The following BTAF1 variants were observed in gnomAD, a reference collection of about 807,000 sequenced individuals.
The protein encoded by BTAF1 is TATA-binding protein-associated factor 172.
A neutral mutation model predicts 227.1 loss-of-function variants in BTAF1; 38 were observed. The ratio of observed to expected loss-of-function variants is 0.17; its 90% CI spans 0.13 to 0.22. The LOEUF (loss-of-function observed/expected upper bound fraction) is 0.22. Among genes scored for constraint, BTAF1 ranks in the 10% least tolerant of loss-of-function variants. The pLI is 1.00. For missense variants in BTAF1, 1,598 were observed against 2,204.0 expected (o/e 0.73, Z 5.51); for synonymous variants, 742 against 751.9 (o/e 0.99, Z 0.21).
intron 32 of BTAF1, among the ~76,000 whole-genome samples, chr10:92,014,873 C>A (rs1850604171): frequency 6.6e-6 from 1 of 152,174 alleles, no homozygotes; most frequent in Non-Finnish European, 1.5e-5. Context: ...AGGCTACAAA[C>A]CTGTACAGCA....
chr10:92,026,045 GCATA>G (rs892623144), intron 35 of BTAF1, among the ~76,000 whole-genome samples: 1 of 152,144 alleles, frequency 6.6e-6, no homozygotes, highest in African/African-American at 2.4e-5. Context: ...ATAAAATAAT[GCATA>G]TAAAGTACAA....
intron 4 of BTAF1, among the ~76,000 whole-genome samples, chr10:91,944,851 A>G (rs1845251630): frequency 6.6e-6 from 1 of 152,250 alleles, no homozygotes; most frequent in South Asian, 2.1e-4. Flanking sequence ...CTAGGACTGC[A>G]TATACAGTTG....
Position 92,016,377 on chromosome 10 carries a change from A to G in BTAF1, c.4622A>G (p.Lys1541Arg), listed in dbSNP as rs1460759150. The change falls in exon 33 of 38, where the codon AAG becomes AGG. Residue 1541 changes from lysine to arginine, a missense_variant. Physicochemically the swap from Lys to Arg is conservative, Grantham distance 26. Transcript: ENST00000265990. Reference sequence around the variant, plus strand: ...GAAGATTTTGCTAAGTCTCGTGCCAAGTGTGATGTTGATGAAACAGTTTCT... The same window carrying G: ...GAAGATTTTGCTAAGTCTCGTGCCAGGTGTGATGTTGATGAAACAGTTTCT... ...LYEDFAKSRAKCDVDETVSSA... is the reference protein window; with the variant it reads ...LYEDFAKSRARCDVDETVSSA... 3 of 1,599,810 alleles carry G rather than the reference A, an allele frequency of 1.9e-6. No individual in the cohort carries two copies. Among genetic ancestry groups the G allele is most frequent in the South Asian group, 1.1e-5 (1 of 87,084 alleles).
In BTAF1 at chr10:92,028,976, TTTCTGCTGATA is replaced by T; in HGVS notation, c.*47_*57del. The T allele has an allele frequency of 6.6e-7, 1 of 1,521,358 alleles. No individual in the cohort carries two copies. Among genetic ancestry groups the T allele is most frequent in the Non-Finnish European group, 8.8e-7 (1 of 1,133,930 alleles). The allele number at this position is 1,521,358 out of a possible 1,614,324, so 94.2% of individuals were successfully genotyped here. ...TGCAATTGCTGCTAGTTCAGTTACA[TTTCTGCTGATA>T]TTCAGCAAATTTCTAAGTTTATGGT... On this transcript the variant is annotated 3_prime_UTR_variant, in exon 38 of 38. Transcript: ENST00000265990.
chr10:92,029,824 T>TTATG lies in BTAF1; in HGVS notation c.*891_*892insTATG, dbSNP rs1851777333. The TTATG allele has an allele frequency of 2.0e-5, 3 of 152,466 alleles. No homozygotes were observed. The South Asian group carries it at 6.2e-4, about 32-fold the overall frequency. The allele number at this position is 152,466 out of a possible 1,614,324, so 9.4% of individuals were successfully genotyped here. ...TGAAGCATAAAAGGGAGAGAGAATT[T>TTATG]CTTTATATACACAAACATACATGAA... On this transcript the variant is annotated 3_prime_UTR_variant, in exon 38 of 38. Coordinates refer to ENST00000265990, the MANE Select transcript of BTAF1 (RefSeq NM_003972.3).
intron 1 of BTAF1, among the ~76,000 whole-genome samples, chr10:91,930,478 A>G (rs1844198323): frequency 6.6e-6 from 1 of 152,190 alleles, no homozygotes; most frequent in Admixed American, 6.5e-5. Flanking sequence ...TCTAGCAAGC[A>G]CCTGCCCTTA....
intron 2 of BTAF1, 128 bp from the exon 3 acceptor site, chr10:91,939,824 T>C: frequency 1.9e-6 from 1 of 517,832 alleles, no homozygotes; most frequent in South Asian, 2.8e-5. Context: ...AATTCTAAGG[T>C]GTTTTATATG....
intron 4 of BTAF1, among the ~76,000 whole-genome samples, chr10:91,942,838 G>T (rs913164592): frequency 2.0e-5 from 3 of 152,104 alleles, no homozygotes; most frequent in African/African-American, 7.2e-5. Flanking sequence ...TTATTATGTA[G>T]TATGGAAATT....
In BTAF1 at chr10:92,025,446, A is replaced by T. The variant is rs34774612; in HGVS notation, c.5075+479A>T. Among the ~76,000 whole-genome samples, 792 of 148,232 alleles carry T rather than the reference A, an allele frequency of 5.3e-3. 7 individuals are homozygous for T. The highest frequency in any genetic ancestry group is 0.016 in the African/African-American group (618 of 39,484). On this transcript the variant is annotated intron_variant, in intron 35 of 37. Transcript: ENST00000265990. ...TCTCAGTGGTTGCTTTTTTTTTTAA[A>T]AAAAAAATGCAGATTCCTAGGTTCT...
intron 6 of BTAF1, among the ~76,000 whole-genome samples, chr10:91,955,241 G>A (rs568187261): frequency 1.3e-5 from 2 of 152,272 alleles, no homozygotes; most frequent in East Asian, 3.9e-4. Context: ...AGATTTGAAT[G>A]TTGGAAATAT....
chr10:91,955,761 A>G (rs1450265653), intron 6 of BTAF1, among the ~76,000 whole-genome samples: 1 of 152,218 alleles, frequency 6.6e-6, no homozygotes, highest in East Asian at 1.9e-4. Context: ...AAGGTGACCT[A>G]CTAATGTGGC....
At chr10:91,989,111 G>A (rs764156646) in intron 19 of BTAF1, 43 bp from the exon 20 acceptor site, 3 of 1,509,672 alleles carry the variant, frequency 2.0e-6, no homozygotes, top group East Asian at 2.3e-5. Flanking sequence ...TCTATTTGGG[G>A]TTGATATGAT....
At chr10:91,965,727 T>C (rs1846860399) in intron 13 of BTAF1, among the ~76,000 whole-genome samples, 1 of 152,180 alleles carries the variant, frequency 6.6e-6, no homozygotes, top group Admixed American at 6.5e-5. Flanking sequence ...TTATAATGCT[T>C]TTATGTGTTT....
At position 91,924,104 on chromosome 10, in the gene BTAF1, C is replaced by T. The variant is rs1329910499; in HGVS notation, c.14+14C>T. The T allele has an allele frequency of 2.5e-6, 4 of 1,606,622 alleles. No homozygotes were observed. In the African/African-American group the frequency reaches 4.0e-5, roughly 16 times the overall value. ...GGCGGTCTCCAGGTGGGTCTTGCTC[C>T]TGACGAGCAAACTGGAAGGCGATTC... On this transcript the variant is annotated intron_variant, in intron 1 of 37. Transcript: ENST00000265990.
At position 91,984,215 on chromosome 10, in the gene BTAF1, T is replaced by C. The variant is rs143893057; in HGVS notation, c.2238T>C (p.Val746=). 3.0e-5 allele frequency: 48 copies of C among 1,613,726 alleles called. No individual in the cohort carries two copies. Among genetic ancestry groups the C allele is most frequent in the Non-Finnish European group, 3.8e-5 (45 of 1,179,856 alleles). Residue 746 remains valine, a synonymous_variant, in exon 19 of 38, where the codon GTT becomes GTC. Coordinates refer to ENST00000265990, the MANE Select transcript of BTAF1 (RefSeq NM_003972.3). ...WAALQKECKA[V]TLAVQPRLLD... is the part of the protein sequence containing the mutation. ...TTGTATTTTAGGAGTGTAAAGCTGT[T>C]ACCTTAGCTGTGCAGCCGCGTTTAC... is the stretch of plus-strand genomic sequence containing the variant.
intron 4 of BTAF1, 95 bp downstream of exon 4, chr10:91,942,663 A>C: frequency 7.5e-7 from 1 of 1,327,770 alleles, no homozygotes; most frequent in Non-Finnish European, 1.0e-6. Flanking sequence ...GTAAACTAAC[A>C]TGTCATGAAA....
At chr10:91,991,004 T>C (rs1418630769) in intron 20 of BTAF1, among the ~76,000 whole-genome samples, 1 of 151,750 alleles carries the variant, frequency 6.6e-6, no homozygotes, top group Non-Finnish European at 1.5e-5. Flanking sequence ...CCCAGCACTT[T>C]GGGAGGCCGA....
intron 25 of BTAF1, 129 bp downstream of exon 25, chr10:91,997,880 G>T: frequency 1.1e-6 from 1 of 891,066 alleles, no homozygotes. Context: ...AGGCTGAGGT[G>T]GGTGGATCAT....
At chr10:91,976,159 C>A (rs1256305497) in intron 14 of BTAF1, among the ~76,000 whole-genome samples, 1 of 152,118 alleles carries the variant, frequency 6.6e-6, no homozygotes, top group African/African-American at 2.4e-5. Context: ...CTGGTAATTA[C>A]AATTGCCGGT....
Sources: gnomAD v4.1 joint callset for allele counts (sites outside exome capture counted in the v4.1 genomes callset) on GRCh38, gnomAD v4.1.1 for gene constraint, MANE v1.5 for transcripts, NCBI Gene and HGNC (gene_info 2026-07-23, HGNC 2026-07-21) for gene names.